The following SVOPL variants were observed in gnomAD, a reference collection of about 807,000 sequenced individuals.
SVOPL encodes putative transporter SVOPL.
In SVOPL, 60 loss-of-function variants were observed where a neutral mutation model predicts 61.0. That is an observed-to-expected ratio of 0.98 (90% confidence interval 0.80 to 1.22). The LOEUF (loss-of-function observed/expected upper bound fraction) is 1.22. Ranked by LOEUF, SVOPL falls within the 50% of genes most tolerant of loss-of-function variation. SVOPL has a pLI of 0.00. For missense variants in SVOPL, 662 were observed against 643.9 expected (o/e 1.03, Z -0.30); for synonymous variants, 279 against 250.0 (o/e 1.12, Z -1.09).
chr7:138,630,540 G>A (rs777727300), intron 9 of SVOPL, among the ~76,000 whole-genome samples: 48 of 152,154 alleles, frequency 3.2e-4, no homozygotes, highest in Non-Finnish European at 7.3e-5. Context: ...GAAAACAACG[G>A]CATAAAGTTG....
chr7:138,655,856 C>A (rs989468352), intron 7 of SVOPL, among the ~76,000 whole-genome samples: 1 of 152,032 alleles, frequency 6.6e-6, no homozygotes, highest in Non-Finnish European at 1.5e-5. Context: ...GTTGAAATTA[C>A]AACAAAGAAT....
In SVOPL at chr7:138,644,842, T is replaced by C; in HGVS notation, c.664A>G (p.Ile222Val). 3 of 1,614,106 alleles carry C rather than the reference T, an allele frequency of 1.9e-6. No individual in the cohort carries two copies. The highest frequency in any genetic ancestry group is 1.7e-5 in the Admixed American group (1 of 60,000). ...GIILIVAFKF[I>V]PESARFNVST... ...ACATTGAACCGGGCAGATTCAGGAA[T>C]AAACTGGGTAGAGATTACAAAGAAC... The change falls in exon 9 of 16, where the codon ATT (isoleucine) becomes GTT (valine). Residue 222 changes from isoleucine (I) to valine (V), a missense_variant. By Grantham distance (29) the Ile-to-Val change is conservative. Coordinates refer to ENST00000674285, the MANE Select transcript of SVOPL (RefSeq NM_001139456.2).
chr7:138,678,750 T>C (rs1483469306), intron 2 of SVOPL, among the ~76,000 whole-genome samples: 2 of 152,188 alleles, frequency 1.3e-5, no homozygotes, highest in East Asian at 3.8e-4. Flanking sequence ...TTTGTATTTT[T>C]AGTAGAGACG....
chr7:138,684,823 T>G lies in SVOPL; in HGVS notation c.-34-5744A>C, dbSNP rs563906680. Among the ~76,000 whole-genome samples the G allele has an allele frequency of 5.9e-5, 9 of 152,340 alleles. 1 individual carries two copies. The highest frequency in any genetic ancestry group is 2.2e-4 in the African/African-American group (9 of 41,580). ...GAGATATCTGCACTCCCATGTTCAC[T>G]ACAGCATTATTCATGATAGCCAAAA... is the stretch of plus-strand genomic sequence containing the variant. On this transcript the variant is annotated intron_variant, in intron 1 of 15. Transcript: ENST00000674285.
chr7:138,696,051 G>A (rs1470040859), intron 1 of SVOPL, among the ~76,000 whole-genome samples: 1 of 152,118 alleles, frequency 6.6e-6, no homozygotes, highest in East Asian at 1.9e-4. Flanking sequence ...CAAAGTGCTA[G>A]GATTACATGC....
At position 138,682,828 on chromosome 7, in the gene SVOPL, C is replaced by T. The variant is rs187131319; in HGVS notation, c.-34-3749G>A. ...TACTAAAAATACAAAATTAGCCAGG[C>T]GTGATGGTGCATGTCTGTAATCTCA... On this transcript the variant is annotated intron_variant, in intron 1 of 15. Coordinates refer to ENST00000674285, the MANE Select transcript of SVOPL (RefSeq NM_001139456.2). Among the ~76,000 whole-genome samples the T allele has an allele frequency of 2.0e-4, 31 of 151,774 alleles. No homozygotes were observed. In the East Asian group the frequency reaches 4.5e-3, roughly 22 times the overall value.
intron 8 of SVOPL, among the ~76,000 whole-genome samples, chr7:138,647,735 G>A (rs188309558): frequency 4.0e-4 from 60 of 150,646 alleles, no homozygotes; most frequent in African/African-American, 1.4e-3. Flanking sequence ...GCAACCCCAG[G>A]TACTCAGGAG....
intron 14 of SVOPL, among the ~76,000 whole-genome samples, chr7:138,600,794 C>A (rs1798482769): frequency 6.6e-6 from 1 of 152,040 alleles, no homozygotes; most frequent in African/African-American, 2.4e-5. Flanking sequence ...AGATACATCA[C>A]CTCACATGTC....
intron 1 of SVOPL, among the ~76,000 whole-genome samples, chr7:138,695,968 G>A (rs892978784): frequency 6.6e-6 from 1 of 151,990 alleles, no homozygotes; most frequent in Non-Finnish European, 1.5e-5. Flanking sequence ...TTTTAGTAGA[G>A]ACAGGGTTTC....
intron 3 of SVOPL, 43 bp from the exon 4 acceptor site, chr7:138,672,160 G>T (rs1802437754): frequency 2.6e-6 from 4 of 1,523,078 alleles, no homozygotes; most frequent in Non-Finnish European, 2.7e-6. Flanking sequence ...GTGCCAGCTT[G>T]TCATCACTTC....
intron 3 of SVOPL, among the ~76,000 whole-genome samples, chr7:138,676,952 G>A (rs1399904421): frequency 6.9e-6 from 1 of 144,934 alleles, no homozygotes; most frequent in African/African-American, 2.5e-5. Flanking sequence ...CATCAGGGCT[G>A]GAGTGCAGTG....
chr7:138,623,316 A>T (rs975147021), intron 13 of SVOPL, among the ~76,000 whole-genome samples: 2 of 152,154 alleles, frequency 1.3e-5, no homozygotes. Context: ...AAAATAAAAT[A>T]CTGGCTGGGC....
chr7:138,629,562 C>T (rs1280523736), intron 10 of SVOPL, among the ~76,000 whole-genome samples: 1 of 152,158 alleles, frequency 6.6e-6, no homozygotes, highest in Non-Finnish European at 1.5e-5. Context: ...TACCTTGACA[C>T]AGTTCCTAAG....
chr7:138,654,887 A>ATTT (rs1563122657), intron 7 of SVOPL, among the ~76,000 whole-genome samples: 228 of 93,952 alleles, frequency 2.4e-3, no homozygotes, highest in African/African-American at 0.012. Flanking sequence ...TTTTTTTTTA[A>ATTT]AAAAAAAAAG....
intron 7 of SVOPL, among the ~76,000 whole-genome samples, chr7:138,653,034 T>C (rs1452666963): frequency 3.3e-5 from 5 of 152,132 alleles, no homozygotes; most frequent in African/African-American, 1.2e-4. Context: ...TCTGGATAGA[T>C]CAAAGTGCCA....
At chr7:138,656,361 A>G in intron 7 of SVOPL, 87 bp downstream of exon 7, 1 of 1,361,208 alleles carries the variant, frequency 7.3e-7, no homozygotes, top group Admixed American at 1.9e-5. Flanking sequence ...AGCTGGTACC[A>G]AACCAGCAGT....
chr7:138,690,432 G>T (rs1802915153), intron 1 of SVOPL, among the ~76,000 whole-genome samples: 2 of 152,166 alleles, frequency 1.3e-5, no homozygotes, highest in Non-Finnish European at 2.9e-5. Context: ...ATGAGATGTG[G>T]TCTATCCATA....
At chr7:138,602,441 C>CTATATATATATATA (rs59400217) in intron 14 of SVOPL, among the ~76,000 whole-genome samples, 196 of 140,600 alleles carry the variant, frequency 1.4e-3, no homozygotes, top group African/African-American at 2.5e-3. Context: ...AAGGCAGTTG[C>CTATATATATATATA]TATATATATA....
chr7:138,687,807 A>T (rs989927116), intron 1 of SVOPL, among the ~76,000 whole-genome samples: 7 of 144,724 alleles, frequency 4.8e-5, no homozygotes, highest in South Asian at 4.4e-4. Context: ...AGAAAATCTA[A>T]TTTTTTTTTT....
Sources: allele counts gnomAD v4.1 joint callset (sites outside exome capture counted in the v4.1 genomes callset), GRCh38; gene constraint gnomAD v4.1.1; transcripts MANE v1.5; gene names NCBI Gene and HGNC (gene_info 2026-07-23, HGNC 2026-07-21).